SSBP2: variants seen among roughly 807,000 people sequenced by gnomAD.
SSBP2 encodes the protein single stranded DNA binding protein 2, also known as single-stranded DNA-binding protein 2.
A neutral mutation model predicts 61.8 loss-of-function variants in SSBP2; 17 were observed. The ratio of observed to expected loss-of-function variants is 0.28; its 90% confidence interval spans 0.19 to 0.41. The LOEUF is 0.41. Among genes scored for constraint, SSBP2 ranks in the 10% least tolerant of loss-of-function variants. The pLI, the probability that SSBP2 is intolerant of heterozygous loss-of-function variation, is 1.00. For missense variants in SSBP2, 310 were observed against 458.7 expected (o/e 0.68, Z 2.96); for synonymous variants, 139 against 141.3 (o/e 0.98, Z 0.12).
At chr5:81,432,933 G>T (rs540158856) in intron 15 of SSBP2, among the ~76,000 whole-genome samples, 13 of 135,936 alleles carry the variant, frequency 9.6e-5, no homozygotes, top group African/African-American at 9.3e-5. Flanking sequence ...GGAGGGAGGT[G>T]GGGGGGGTCA....
intron 6 of SSBP2, among the ~76,000 whole-genome samples, chr5:81,488,063 A>ATATATAT (rs1425988492): frequency 0.011 from 988 of 93,518 alleles, 100 homozygotes; most frequent in Non-Finnish European, 0.019. Flanking sequence ...ATATATAAAT[A>ATATATAT]AAATATCATA....
chr5:81,664,155 C>T (rs1750924611), intron 1 of SSBP2, among the ~76,000 whole-genome samples: 1 of 147,310 alleles, frequency 6.8e-6, no homozygotes. Context: ...CAGAATCTCA[C>T]TCTATTGCCC....
At chr5:81,462,016 T>G (rs1764577380) in intron 9 of SSBP2, among the ~76,000 whole-genome samples, 1 of 152,088 alleles carries the variant, frequency 6.6e-6, no homozygotes, top group Non-Finnish European at 1.5e-5. Context: ...ATGAAAATTT[T>G]TAATTAAAAA....
intron 10 of SSBP2, among the ~76,000 whole-genome samples, chr5:81,458,105 A>G (rs902596770): frequency 3.3e-5 from 5 of 149,294 alleles, no homozygotes; most frequent in Non-Finnish European, 7.4e-5. Context: ...AGAAAGGCCA[A>G]AACAAACAAA....
intron 5 of SSBP2, among the ~76,000 whole-genome samples, chr5:81,491,888 G>A (rs1297341341): frequency 6.6e-6 from 1 of 152,160 alleles, no homozygotes; most frequent in Non-Finnish European, 1.5e-5. Context: ...ACATGGCTTA[G>A]TATTCAGATT....
Position 81,416,754 on chromosome 5 carries a change from A to G in SSBP2, c.*3750T>C, listed in dbSNP as rs923951958. ...TTCAGATATCTTAGAGAATCATAAA[A>G]ATAGAAATGGAAGTTTTATTTTATT... is the stretch of plus-strand genomic sequence containing the variant. On this transcript the variant is annotated 3_prime_UTR_variant, in exon 17 of 17. Transcript: ENST00000320672. 4 of 152,234 alleles carry G rather than the reference A, an allele frequency of 2.6e-5. No homozygotes were observed. Among genetic ancestry groups the G allele is most frequent in the Non-Finnish European group, 5.9e-5 (4 of 68,046 alleles). 9.4% of individuals were successfully genotyped at this position (152,234 alleles called of 1,614,324 possible).
intron 5 of SSBP2, among the ~76,000 whole-genome samples, chr5:81,489,550 T>G (rs1236338026): frequency 1.3e-5 from 2 of 152,140 alleles, no homozygotes; most frequent in Non-Finnish European, 2.9e-5. Context: ...CTAAAGTAAC[T>G]ATAGCAAAAT....
rs1477322660 is a variant in SSBP2, at chr5:81,413,342, T to C, written c.*7162A>G. 6.6e-6 allele frequency: 1 copy of C among 152,176 alleles called. No homozygotes were observed. The highest frequency in any genetic ancestry group is 1.5e-5 in the Non-Finnish European group (1 of 68,004). The allele number at this position is 152,176 out of a possible 1,614,324, so 9.4% of individuals were successfully genotyped here. A position where few individuals can be genotyped will look rare whatever the true frequency, so the allele number is the denominator to read the frequency against. On this transcript the variant is annotated 3_prime_UTR_variant, in exon 17 of 17. Coordinates refer to ENST00000320672, the MANE Select transcript of SSBP2 (RefSeq NM_012446.5). Reference sequence around the variant, plus strand: ...ATACACAGATGCTAAATTTACAAAATGTGTCAGGTAGCTGGTGGCCATCGT... The same window carrying C: ...ATACACAGATGCTAAATTTACAAAACGTGTCAGGTAGCTGGTGGCCATCGT...
chr5:81,594,574 C>T (rs1418815549), intron 4 of SSBP2, among the ~76,000 whole-genome samples: 10 of 152,128 alleles, frequency 6.6e-5, no homozygotes, highest in African/African-American at 2.2e-4. Context: ...TACTCCAAAA[C>T]TGACCACATA....
intron 5 of SSBP2, among the ~76,000 whole-genome samples, chr5:81,508,415 A>G (rs1768343460): frequency 6.6e-6 from 1 of 152,144 alleles, no homozygotes; most frequent in Admixed American, 6.5e-5. Context: ...AAATGGCTTT[A>G]TTTTATTAAA....
chr5:81,448,901 A>G, intron 10 of SSBP2, 76 bp from the exon 11 acceptor site: 1 of 1,201,370 alleles, frequency 8.3e-7, no homozygotes, highest in East Asian at 2.4e-5. Context: ...AATTTATTTC[A>G]TGATTTTTTG....
chr5:81,735,463 C>A (rs1202246351), intron 1 of SSBP2, among the ~76,000 whole-genome samples: 1 of 152,136 alleles, frequency 6.6e-6, no homozygotes, highest in African/African-American at 2.4e-5. Flanking sequence ...TGCATATAAC[C>A]TATGTACATC....
chr5:81,504,498 G>A (rs1307473360), intron 5 of SSBP2, among the ~76,000 whole-genome samples: 1 of 152,120 alleles, frequency 6.6e-6, no homozygotes, highest in African/African-American at 2.4e-5. Context: ...TGAACTGGAG[G>A]CCTTTGCACT....
chr5:81,689,180 AGAG>A (rs1476505104), intron 1 of SSBP2, among the ~76,000 whole-genome samples: 1 of 151,976 alleles, frequency 6.6e-6, no homozygotes, highest in Non-Finnish European at 1.5e-5. Flanking sequence ...GTATACAGTC[AGAG>A]GAGAAAAAAA....
intron 1 of SSBP2, among the ~76,000 whole-genome samples, chr5:81,694,166 TATTA>T (rs1340970785): frequency 2.6e-5 from 4 of 152,152 alleles, no homozygotes; most frequent in Non-Finnish European, 5.9e-5. Flanking sequence ...GAATGACAGT[TATTA>T]GAGTCTAAAG....
At chr5:81,435,320 G>A (rs983126494) in intron 15 of SSBP2, among the ~76,000 whole-genome samples, 3 of 152,166 alleles carry the variant, frequency 2.0e-5, no homozygotes, top group African/African-American at 7.2e-5. Flanking sequence ...CTCAGTAGGC[G>A]TCAACATTTA....
chr5:81,663,285 T>C (rs1750843393), intron 1 of SSBP2, among the ~76,000 whole-genome samples: 1 of 152,230 alleles, frequency 6.6e-6, no homozygotes, highest in Admixed American at 6.5e-5. Context: ...TTTCTACATA[T>C]ATACATGTCC....
chr5:81,682,851 G>A (rs904655944), intron 1 of SSBP2, among the ~76,000 whole-genome samples: 8 of 152,064 alleles, frequency 5.3e-5, no homozygotes, highest in African/African-American at 1.4e-4. Flanking sequence ...AGAAAAAATC[G>A]CTTCCCTACA....
intron 5 of SSBP2, among the ~76,000 whole-genome samples, chr5:81,508,255 G>T (rs1274448706): frequency 1.3e-5 from 2 of 151,968 alleles, no homozygotes; most frequent in African/African-American, 2.4e-5. Flanking sequence ...CTTCCCTCTG[G>T]ATCCCAAGCA....
Sources: allele counts gnomAD v4.1 joint callset (sites outside exome capture counted in the v4.1 genomes callset), GRCh38; gene constraint gnomAD v4.1.1; transcripts MANE v1.5; gene names NCBI Gene and HGNC (gene_info 2026-07-23, HGNC 2026-07-21).